The following FNBP1L variants were observed in gnomAD, a reference collection of about 807,000 sequenced individuals.
FNBP1L encodes formin binding protein 1 like, also known as formin-binding protein 1-like.
Under a neutral mutation model 91.2 loss-of-function variants are expected in FNBP1L, and 36 were observed. The observed-to-expected ratio is 0.39, with a 90% CI of 0.30 to 0.52. FNBP1L has a LOEUF of 0.52. FNBP1L is among the 20% of genes least tolerant of loss of function. FNBP1L has a pLI of 0.66. For synonymous variants in FNBP1L, 242 were observed against 237.0 expected, an observed-to-expected ratio of 1.02 and a Z score of -0.19; for missense variants, 571 against 732.1, an observed-to-expected ratio of 0.78 and a Z score of 2.54.
In FNBP1L at chr1:93,505,110, C is replaced by CTTTTTT. The variant is rs61426757; in HGVS notation, c.140+5540_140+5545dup. On this transcript the variant is annotated intron_variant, in intron 2 of 16. Coordinates refer to ENST00000271234, the MANE Select transcript of FNBP1L (RefSeq NM_001164473.3). Reference sequence around the variant, plus strand: ...TGTGTTAAAAGGGTCCAGCTTCATTCTTTTTTTTTTTTTTTTTTGAGACAG... The same window carrying CTTTTTT: ...TGTGTTAAAAGGGTCCAGCTTCATTCTTTTTTTTTTTTTTTTTTTTTTTTGAGACAG... Among the ~76,000 whole-genome samples the CTTTTTT allele has an allele frequency of 4.8e-5, 6 of 125,226 alleles. 1 individual carries two copies. Among genetic ancestry groups the CTTTTTT allele is most frequent in the Non-Finnish European group, 6.6e-5 (4 of 60,684 alleles). 82.2% of individuals were successfully genotyped at this position (125,226 alleles called of 152,430 possible). A position where few individuals can be genotyped will look rare whatever the true frequency, so the allele number is the denominator to read the frequency against.
intron 10 of FNBP1L, 114 bp downstream of exon 10, chr1:93,536,604 C>T (rs1382253184): frequency 2.1e-6 from 2 of 948,340 alleles, no homozygotes; most frequent in Non-Finnish European, 2.9e-6. Flanking sequence ...AGTTTAAAAA[C>T]ACCACAGAAT....
chr1:93,500,002 T>C (rs996908181), intron 2 of FNBP1L, among the ~76,000 whole-genome samples: 9 of 152,188 alleles, frequency 5.9e-5, no homozygotes, highest in Non-Finnish European at 8.8e-5. Flanking sequence ...CTGAGTTTCT[T>C]TCTGTCAGTA....
Position 93,552,526 on chromosome 1 carries a change from C to A in FNBP1L, c.*110C>A. On this transcript the variant is annotated 3_prime_UTR_variant, in exon 17 of 17. Transcript: ENST00000271234. ...CAAAGAGAGTGAGAGAAGCAAGTTG[C>A]ATGAGTGCATGCAGACATGATTTTT... is the stretch of plus-strand genomic sequence containing the variant. The A allele has an allele frequency of 8.5e-7, 1 of 1,174,686 alleles. No individual in the cohort carries two copies. Among genetic ancestry groups the A allele is most frequent in the South Asian group, 1.6e-5 (1 of 61,344 alleles). The allele number at this position is 1,174,686 out of a possible 1,614,324, so 72.8% of individuals were successfully genotyped here.
At chr1:93,454,428 T>G (rs1382629924) in intron 1 of FNBP1L, among the ~76,000 whole-genome samples, 2 of 152,070 alleles carry the variant, frequency 1.3e-5, no homozygotes, top group African/African-American at 4.8e-5. Context: ...AATCTTAGTT[T>G]ATTGGTAGAA....
intron 12 of FNBP1L, among the ~76,000 whole-genome samples, chr1:93,544,429 A>G (rs1672148387): frequency 1.3e-5 from 2 of 152,120 alleles, no homozygotes; most frequent in Non-Finnish European, 2.9e-5. Context: ...GAATGCTAAT[A>G]TGCCTTCATT....
In FNBP1L at chr1:93,523,369, A is replaced by C. The variant is rs1671393708; in HGVS notation, c.220A>C (p.Asn74His). Reference sequence around the variant, plus strand: ...GTTTACCTCGTGTGTAGCCTTTTTTAATATCCTTAATGAGTTAAATGACTA... The same window carrying C: ...GTTTACCTCGTGTGTAGCCTTTTTTCATATCCTTAATGAGTTAAATGACTA... ...PRFTSCVAFF[N>H]ILNELNDYAG... is the part of the protein sequence containing the mutation. The change falls in exon 4 of 17, where the codon AAT becomes CAT. Residue 74 changes from asparagine to histidine, a missense_variant. By Grantham distance (68) the Asn-to-His change is moderately conservative. Coordinates refer to ENST00000271234, the MANE Select transcript of FNBP1L (RefSeq NM_001164473.3). 2 of 1,605,824 alleles carry C rather than the reference A, an allele frequency of 1.2e-6. No individual in the cohort carries two copies. Among genetic ancestry groups the C allele is most frequent in the Non-Finnish European group, 1.7e-6 (2 of 1,176,302 alleles).
chr1:93,500,639 T>A (rs551255747), intron 2 of FNBP1L, among the ~76,000 whole-genome samples: 1 of 152,170 alleles, frequency 6.6e-6, no homozygotes, highest in East Asian at 1.9e-4. Flanking sequence ...TACTGACTTA[T>A]AGCTAATGAT....
intron 6 of FNBP1L, among the ~76,000 whole-genome samples, chr1:93,530,408 C>T (rs1671634642): frequency 6.6e-6 from 1 of 152,022 alleles, no homozygotes; most frequent in Admixed American, 6.6e-5. Context: ...ATTAAAAGCA[C>T]ACTGTTTCAA....
At position 93,522,077 on chromosome 1, in the gene FNBP1L, T is replaced by C; in HGVS notation, c.141-5T>C. On this transcript the variant is annotated splice_polypyrimidine_tract_variant and splice_region_variant and intron_variant, in intron 2 of 16. Transcript: ENST00000271234. ...AATAAACTTTAAAAAATCTTCTTCC[T>C]ATAGAAATCTGGTTAAGAAGTACTG... The C allele has an allele frequency of 6.6e-7, 1 of 1,505,000 alleles. No homozygotes were observed. Among genetic ancestry groups the C allele is most frequent in the Non-Finnish European group, 8.9e-7 (1 of 1,124,852 alleles). 93.2% of individuals were successfully genotyped at this position (1,505,000 alleles called of 1,614,324 possible).
chr1:93,450,856 T>A (rs1251614636), intron 1 of FNBP1L, among the ~76,000 whole-genome samples: 1 of 152,218 alleles, frequency 6.6e-6, no homozygotes, highest in Non-Finnish European at 1.5e-5. Context: ...TAATGCTTCT[T>A]AAGTCTTATG....
intron 15 of FNBP1L, 76 bp downstream of exon 15, chr1:93,549,502 G>A: frequency 8.8e-7 from 1 of 1,139,644 alleles, no homozygotes; most frequent in Non-Finnish European, 1.2e-6. Context: ...ACTCACTGTA[G>A]TATCCTTATT....
intron 1 of FNBP1L, among the ~76,000 whole-genome samples, chr1:93,473,206 CAA>C (rs1042798451): frequency 1.0e-3 from 155 of 150,950 alleles, no homozygotes; most frequent in African/African-American, 3.7e-3. Flanking sequence ...AAGTAATTAA[CAA>C]GTGATTTTGA....
In FNBP1L at chr1:93,534,773, T is replaced by C. The variant is rs778199083; in HGVS notation, c.855T>C (p.Asp285=). Residue 285 remains aspartate (D), a synonymous_variant, in exon 9 of 17, where the codon GAT becomes GAC. Coordinates refer to ENST00000271234, the MANE Select transcript of FNBP1L (RefSeq NM_001164473.3). The part of the protein sequence containing the change: ...FEPPGDFPFE[D]YSQHIYRTIS... Reference sequence around the variant, plus strand: ...CTCCAGGAGACTTTCCATTTGAAGATTACAGTCAACATATATATAGAACCA... The same window carrying C: ...CTCCAGGAGACTTTCCATTTGAAGACTACAGTCAACATATATATAGAACCA... 11 of 1,571,458 alleles carry C rather than the reference T, an allele frequency of 7.0e-6. No homozygotes were observed. The East Asian group carries it at 2.3e-4, about 33-fold the overall frequency.
chr1:93,544,017 T>C (rs2101771141), intron 11 of FNBP1L, 90 bp from the exon 12 acceptor site: 1 of 851,700 alleles, frequency 1.2e-6, no homozygotes, highest in East Asian at 3.0e-5. Context: ...AAACTTAAGA[T>C]TGGTATGTAT....
chr1:93,534,813 A>T lies in FNBP1L; in HGVS notation c.895A>T (p.Ile299Phe), dbSNP rs1263611996. ...HIYRTISDGTISASKQESGKM... is the reference protein window; with the variant it reads ...HIYRTISDGTFSASKQESGKM... The stretch of plus-strand genomic sequence containing the variant: ...ATATAGAACCATTTCTGATGGGACT[A>T]TCAGTGCATCCAAACAGGAGAGTGG... Residue 299 changes from isoleucine to phenylalanine, a missense_variant, in exon 9 of 17, where the codon ATC becomes TTC. By Grantham distance (21) the Ile-to-Phe change is conservative (BLOSUM62 0). Coordinates refer to ENST00000271234, the MANE Select transcript of FNBP1L (RefSeq NM_001164473.3). The T allele has an allele frequency of 2.5e-6, 4 of 1,575,122 alleles. No homozygotes were observed. The highest frequency in any genetic ancestry group is 3.5e-6 in the Non-Finnish European group (4 of 1,158,862).
intron 1 of FNBP1L, among the ~76,000 whole-genome samples, chr1:93,492,107 C>T (rs997499288): frequency 1.5e-4 from 23 of 152,082 alleles, no homozygotes; most frequent in African/African-American, 5.1e-4. Flanking sequence ...AATCACAGCA[C>T]GCATGATTTT....
At chr1:93,494,996 C>T (rs1670216194) in intron 1 of FNBP1L, among the ~76,000 whole-genome samples, 1 of 148,478 alleles carries the variant, frequency 6.7e-6, no homozygotes, top group East Asian at 1.9e-4. Flanking sequence ...CCCGTGAAGT[C>T]CATCCCATGA....
intron 1 of FNBP1L, among the ~76,000 whole-genome samples, chr1:93,455,892 C>A (rs1404295549): frequency 6.6e-6 from 1 of 152,160 alleles, no homozygotes; most frequent in African/African-American, 2.4e-5. Context: ...GTATTAACTT[C>A]TATGATTGGT....
intron 2 of FNBP1L, among the ~76,000 whole-genome samples, chr1:93,512,957 C>A (rs1670916210): frequency 6.6e-6 from 1 of 151,962 alleles, no homozygotes; most frequent in Non-Finnish European, 1.5e-5. Context: ...ACACAAAAAA[C>A]CCTTCAAAAA....
Sources: gnomAD v4.1 joint callset for allele counts (sites outside exome capture counted in the v4.1 genomes callset) on GRCh38, gnomAD v4.1.1 for gene constraint, MANE v1.5 for transcripts, NCBI Gene and HGNC (gene_info 2026-07-23, HGNC 2026-07-21) for gene names.